ITGB3BP: variants seen among roughly 807,000 people sequenced by gnomAD.
ITGB3BP encodes the protein centromere protein R.
Under a neutral mutation model 29.1 loss-of-function variants are expected in ITGB3BP, and 27 were observed. The ratio of observed to expected loss-of-function variants is 0.93; its 90% confidence interval spans 0.68 to 1.28. The LOEUF (loss-of-function observed/expected upper bound fraction) is 1.28, where lower values mean the gene tolerates loss of function less well. Ranked by LOEUF, ITGB3BP falls within the 50% of genes most tolerant of loss-of-function variation. The pLI is 0.00. For synonymous variants in ITGB3BP, 61 were observed against 61.4 expected (o/e 0.99, Z 0.03); for missense variants, 192 against 200.2 (o/e 0.96, Z 0.25).
intron 3 of ITGB3BP, among the ~76,000 whole-genome samples, chr1:63,488,157 C>T (rs952882285): frequency 6.6e-6 from 1 of 152,012 alleles, no homozygotes; most frequent in Non-Finnish European, 1.5e-5. Flanking sequence ...TCACATAGTA[C>T]ATGGTTCAAA....
At chr1:63,494,027 A>G (rs969129464) in intron 2 of ITGB3BP, among the ~76,000 whole-genome samples, 1 of 152,210 alleles carries the variant, frequency 6.6e-6, no homozygotes, top group African/African-American at 2.4e-5. Context: ...ATTAATATGC[A>G]TTACTAGTAC....
chr1:63,513,918 C>T (rs1557655878), intron 1 of ITGB3BP, among the ~76,000 whole-genome samples: 1 of 152,132 alleles, frequency 6.6e-6, no homozygotes, highest in Non-Finnish European at 1.5e-5. Flanking sequence ...TAGCAAGCAG[C>T]ACAAATATTA....
intron 2 of ITGB3BP, among the ~76,000 whole-genome samples, chr1:63,490,875 T>C (rs1195183692): frequency 6.6e-6 from 1 of 152,200 alleles, no homozygotes; most frequent in Non-Finnish European, 1.5e-5. Flanking sequence ...AAATAAATAT[T>C]ATCTTTTCAT....
intron 4 of ITGB3BP, among the ~76,000 whole-genome samples, chr1:63,467,380 C>T (rs1361355434): frequency 2.0e-5 from 3 of 150,672 alleles, no homozygotes; most frequent in Non-Finnish European, 3.0e-5. Flanking sequence ...GACAGGGTCT[C>T]GCTCTGTCAC....
chr1:63,449,813 T>C (rs983305732), intron 7 of ITGB3BP: 2 of 154,530 alleles, frequency 1.3e-5, no homozygotes, highest in African/African-American at 4.8e-5. Flanking sequence ...AAAATTGAAG[T>C]ATCTGTTTGA....
intron 4 of ITGB3BP, among the ~76,000 whole-genome samples, chr1:63,461,032 G>A (rs1645008130): frequency 1.4e-5 from 2 of 146,784 alleles, no homozygotes; most frequent in Non-Finnish European, 3.0e-5. Flanking sequence ...GAGGTTAGGA[G>A]ATCGAGACCA....
intron 4 of ITGB3BP, among the ~76,000 whole-genome samples, chr1:63,463,300 G>C (rs1645048809): frequency 1.3e-5 from 2 of 150,852 alleles, no homozygotes; most frequent in Admixed American, 6.6e-5. Flanking sequence ...GATCCTCGCG[G>C]TGATGGAACT....
At chr1:63,513,366 T>C (rs1457774886) in intron 1 of ITGB3BP, among the ~76,000 whole-genome samples, 3 of 152,164 alleles carry the variant, frequency 2.0e-5, no homozygotes, top group African/African-American at 7.2e-5. Context: ...AATTTGGCAA[T>C]GGGACCATTC....
chr1:63,454,500 T>G lies in ITGB3BP; in HGVS notation c.334-27A>C. ...TACAAGAAAGTCATCTTGAATGAGT[T>G]AAGTTCTCTACACACATGAGATTAC... On this transcript the variant is annotated intron_variant, in intron 5 of 8. Coordinates refer to ENST00000271002, the MANE Select transcript of ITGB3BP (RefSeq NM_014288.5). This position sits in a 1 kb window ranked among gnomAD's most constrained non-coding sequence, Gnocchi z 4.1. The G allele has an allele frequency of 8.6e-7, 1 of 1,156,894 alleles. No homozygotes were observed. The highest frequency in any genetic ancestry group is 1.3e-6 in the Non-Finnish European group (1 of 776,190). 71.7% of individuals were successfully genotyped at this position (1,156,894 alleles called of 1,614,324 possible).
chr1:63,455,283 TA>T (rs1348419456), intron 4 of ITGB3BP, among the ~76,000 whole-genome samples: 1 of 151,588 alleles, frequency 6.6e-6, no homozygotes, highest in Non-Finnish European at 1.5e-5. Context: ...CTTTTTAAAA[TA>T]AAAAAAGTTT....
chr1:63,478,131 GA>G (rs1024787830), intron 4 of ITGB3BP, among the ~76,000 whole-genome samples: 16 of 152,100 alleles, frequency 1.1e-4, no homozygotes, highest in Admixed American at 7.2e-4. Context: ...ATAATGGCAA[GA>G]AAAAAAAGTT....
At chr1:63,493,858 T>G (rs985896034) in intron 2 of ITGB3BP, among the ~76,000 whole-genome samples, 15 of 152,226 alleles carry the variant, frequency 9.9e-5, no homozygotes, top group African/African-American at 3.6e-4. Flanking sequence ...TAAAGGATAC[T>G]TTATCACTAT....
intron 8 of ITGB3BP, among the ~76,000 whole-genome samples, chr1:63,445,545 G>C (rs1366286574): frequency 6.6e-6 from 1 of 151,714 alleles, no homozygotes; most frequent in Non-Finnish European, 1.5e-5. Context: ...CTTTAATTGT[G>C]CTTTGATTTT....
chr1:63,525,506 A>G, upstream of ITGB3BP: 1 of 1,265,786 alleles, frequency 7.9e-7, no homozygotes, highest in Non-Finnish European at 1.1e-6. Flanking sequence ...TATTTGAAAG[A>G]CATGGTGACA....
intron 2 of ITGB3BP, among the ~76,000 whole-genome samples, chr1:63,503,691 A>C (rs1409801298): frequency 6.6e-6 from 1 of 152,148 alleles, no homozygotes; most frequent in Non-Finnish European, 1.5e-5. Context: ...ATTTTTTTAT[A>C]AGGTGTAAGG....
intron 2 of ITGB3BP, among the ~76,000 whole-genome samples, chr1:63,497,502 T>C (rs1645817392): frequency 6.6e-6 from 1 of 152,118 alleles, no homozygotes; most frequent in Non-Finnish European, 1.5e-5. Context: ...TAAACTTACA[T>C]CCCTTTGTTC....
chr1:63,521,772 ACT>A (rs1337369948), intron 1 of ITGB3BP, among the ~76,000 whole-genome samples: 1 of 151,940 alleles, frequency 6.6e-6, no homozygotes, highest in Non-Finnish European at 1.5e-5. Flanking sequence ...ACAGAGCCAG[ACT>A]CTGCCTCAAA....
At chr1:63,507,665 T>C (rs1646110678) in intron 2 of ITGB3BP, among the ~76,000 whole-genome samples, 1 of 152,226 alleles carries the variant, frequency 6.6e-6, no homozygotes, top group African/African-American at 2.4e-5. Flanking sequence ...TGCAGTACTT[T>C]GCCACCTTTG....
At chr1:63,528,150 A>G (rs2100863670), upstream of ITGB3BP, among the ~76,000 whole-genome samples, 1 of 152,314 alleles carries the variant, frequency 6.6e-6, no homozygotes, top group East Asian at 1.9e-4. Flanking sequence ...ACTATTCACA[A>G]TAGCCCAAAT....
Sources: allele counts gnomAD v4.1 joint callset (sites outside exome capture counted in the v4.1 genomes callset), GRCh38; gene constraint gnomAD v4.1.1; non-coding constraint Gnocchi (gnomAD v3.1); transcripts MANE v1.5; gene names NCBI Gene and HGNC (gene_info 2026-07-23, HGNC 2026-07-21).